The following CCDC7 variants were observed in gnomAD, a reference collection of about 807,000 sequenced individuals.
CCDC7 encodes the protein coiled-coil domain-containing protein 7.
In CCDC7, 183 loss-of-function variants were observed where a neutral mutation model predicts 196.9. That is an observed-to-expected ratio of 0.93 (90% confidence interval 0.82 to 1.05). The LOEUF is 1.05. Ranked by LOEUF, CCDC7 falls within the 50% of genes least tolerant of loss-of-function variation. CCDC7 has a pLI of 0.00. For missense variants in CCDC7, 1,540 were observed against 1,482.2 expected (o/e 1.04, Z -0.64); for synonymous variants, 525 against 484.6 (o/e 1.08, Z -1.10).
rs113562413 is a variant in CCDC7, at chr10:32,814,377, T to C, written c.3105T>C (p.Asp1035=). ...ACCTGTTTATTTCTATAGGGCCTGA[T>C]ATAGAACAATTGACAGATGCATTTG... The change falls in exon 31 of 42, where the codon GAT becomes GAC. Residue 1035 remains aspartate, a synonymous_variant. Coordinates refer to ENST00000639629, the Ensembl canonical transcript of CCDC7. The C allele has an allele frequency of 4.4e-6, 7 of 1,603,988 alleles. No homozygotes were observed. The African/African-American group carries it at 5.3e-5, about 12-fold the overall frequency.
chr10:32,626,767 A>G (rs1052064541), intron 18 of CCDC7, among the ~76,000 whole-genome samples: 10 of 152,034 alleles, frequency 6.6e-5, no homozygotes, highest in African/African-American at 1.9e-4. Flanking sequence ...AATTCTTTGC[A>G]TGTGAGTATC....
chr10:32,677,446 T>A (rs1485310092), intron 21 of CCDC7, among the ~76,000 whole-genome samples: 1 of 152,156 alleles, frequency 6.6e-6, no homozygotes, highest in Non-Finnish European at 1.5e-5. Context: ...TTTTTGTTTG[T>A]CTGGAAAAGT....
chr10:32,602,555 A>C (rs1490689840), intron 18 of CCDC7, among the ~76,000 whole-genome samples: 1 of 152,086 alleles, frequency 6.6e-6, no homozygotes, highest in Non-Finnish European at 1.5e-5. Context: ...ATTGGATTCT[A>C]TTTTGATATT....
At chr10:32,597,397 T>C (rs573262285) in intron 18 of CCDC7, among the ~76,000 whole-genome samples, 1 of 152,324 alleles carries the variant, frequency 6.6e-6, no homozygotes, top group South Asian at 2.1e-4. Flanking sequence ...TTCTCTACAC[T>C]GTTTATTCTA....
intron 29 of CCDC7, among the ~76,000 whole-genome samples, chr10:32,785,681 G>A (rs1005639068): frequency 3.9e-5 from 6 of 152,132 alleles, no homozygotes; most frequent in Non-Finnish European, 8.8e-5. Flanking sequence ...AAAGACTTAT[G>A]CATGGAAATA....
intron 3 of CCDC7, among the ~76,000 whole-genome samples, chr10:32,460,232 G>A (rs924806629): frequency 3.3e-5 from 5 of 152,138 alleles, no homozygotes; most frequent in Non-Finnish European, 7.3e-5. Flanking sequence ...ACGTATATGT[G>A]TATTTAATCA....
At chr10:32,664,062 G>T in exon 21 of CCDC7, 1 of 396,184 alleles carries the variant, frequency 2.5e-6, no homozygotes, top group Non-Finnish European at 4.5e-6. Flanking sequence ...AGCTCATAAT[G>T]ATGTACCAGA....
At chr10:32,509,211 TATAGACCCATGAA>T (rs112394767) in intron 9 of CCDC7, among the ~76,000 whole-genome samples, 7,719 of 152,100 alleles carry the variant, frequency 0.051, 633 homozygotes, top group African/African-American at 0.17. Flanking sequence ...AAATCAGACA[TATAGACCCATGAA>T]ACAGATTAGC....
chr10:32,654,176 A>G (rs1198314435), intron 20 of CCDC7, among the ~76,000 whole-genome samples: 4 of 152,156 alleles, frequency 2.6e-5, no homozygotes, highest in Admixed American at 1.3e-4. Context: ...CGGGAAATTT[A>G]TATCATGCTA....
chr10:32,532,167 G>A (rs111725380), intron 11 of CCDC7, among the ~76,000 whole-genome samples: 116 of 151,684 alleles, frequency 7.6e-4, no homozygotes, highest in African/African-American at 2.7e-3. Context: ...CTTAACATTG[G>A]CGTTTATTGC....
chr10:32,692,210 G>A (rs73259484), intron 23 of CCDC7, among the ~76,000 whole-genome samples: 8,072 of 152,144 alleles, frequency 0.053, 713 homozygotes, highest in African/African-American at 0.18. Flanking sequence ...TAGTCATTAG[G>A]TACAACTCAG....
At chr10:32,571,638 T>C (rs1315028343) in intron 15 of CCDC7, among the ~76,000 whole-genome samples, 1 of 152,108 alleles carries the variant, frequency 6.6e-6, no homozygotes, top group Non-Finnish European at 1.5e-5. Flanking sequence ...AAAACCTTAT[T>C]TGCTCTTAAT....
intron 18 of CCDC7, among the ~76,000 whole-genome samples, chr10:32,623,352 A>G (rs1381276871): frequency 6.6e-6 from 1 of 152,154 alleles, no homozygotes; most frequent in Non-Finnish European, 1.5e-5. Context: ...TATTTGATAT[A>G]TGATAGGGTA....
intron 28 of CCDC7, among the ~76,000 whole-genome samples, chr10:32,758,880 A>G (rs1453596943): frequency 6.6e-6 from 1 of 152,222 alleles, no homozygotes; most frequent in Non-Finnish European, 1.5e-5. Context: ...CCTTAAGCTG[A>G]TAAGCAACTT....
At chr10:32,647,465 G>A (rs1039131191) in intron 20 of CCDC7, among the ~76,000 whole-genome samples, 19 of 6,460 alleles carry the variant, frequency 2.9e-3, no homozygotes, top group South Asian at 0.019. Flanking sequence ...AGCTGAGATC[G>A]TGCCACTTTT....
intron 8 of CCDC7, among the ~76,000 whole-genome samples, chr10:32,485,882 T>G (rs1397871907): frequency 3.3e-5 from 5 of 152,198 alleles, no homozygotes; most frequent in Admixed American, 6.5e-5. Flanking sequence ...TAATTTCTGT[T>G]CTTTTACATT....
At chr10:32,454,556 C>T (rs1338923142) in intron 2 of CCDC7, among the ~76,000 whole-genome samples, 1 of 150,610 alleles carries the variant, frequency 6.6e-6, no homozygotes, top group African/African-American at 2.5e-5. Flanking sequence ...CACATGTACC[C>T]ACTAAATCTA....
At chr10:32,873,388 G>A (rs571034722) in intron 41 of CCDC7, among the ~76,000 whole-genome samples, 1 of 151,846 alleles carries the variant, frequency 6.6e-6, no homozygotes, top group Admixed American at 6.6e-5. Flanking sequence ...AGCTCCATCA[G>A]GTCCTTTAAG....
chr10:32,748,592 G>A (rs376487585), intron 28 of CCDC7, among the ~76,000 whole-genome samples: 67 of 151,980 alleles, frequency 4.4e-4, no homozygotes, highest in African/African-American at 1.4e-3. Context: ...ATTTTGTGGC[G>A]AATAAGTATG....
Sources: gnomAD v4.1 joint callset for allele counts (sites outside exome capture counted in the v4.1 genomes callset) on GRCh38, gnomAD v4.1.1 for gene constraint, MANE v1.5 for transcripts, NCBI Gene and HGNC (gene_info 2026-07-23, HGNC 2026-07-21) for gene names.